Variants in RAD51B observed in about 807,000 individuals in gnomAD.
RAD51B encodes DNA repair protein RAD51 homolog 2.
In RAD51B, 38 loss-of-function variants were observed where a neutral mutation model predicts 42.2. The ratio of observed to expected loss-of-function variants is 0.90; its 90% CI spans 0.70 to 1.18. RAD51B has a LOEUF of 1.18. Ranked by LOEUF, RAD51B falls within the 50% of genes most tolerant of loss-of-function variation. RAD51B has a pLI of 0.00. For missense variants in RAD51B, 373 were observed against 400.7 expected, an observed-to-expected ratio of 0.93 and a Z score of 0.59; for synonymous variants, 154 against 145.2, an observed-to-expected ratio of 1.06 and a Z score of -0.43.
At chr14:68,138,435 A>C (rs1265859766) in intron 7 of RAD51B, among the ~76,000 whole-genome samples, 1 of 152,212 alleles carries the variant, frequency 6.6e-6, no homozygotes, top group Non-Finnish European at 1.5e-5. Flanking sequence ...GGCAATTACC[A>C]AAGAACTTTA....
chr14:68,507,126 A>G (rs1885388510), intron 10 of RAD51B, among the ~76,000 whole-genome samples: 1 of 152,174 alleles, frequency 6.6e-6, no homozygotes, highest in Admixed American at 6.5e-5. Flanking sequence ...CTTGAAGTAC[A>G]CATGAAATCA....
rs530465001 is a variant in RAD51B, at chr14:68,635,865, T to C, written c.1037-14916T>C. On this transcript the variant is annotated intron_variant, in intron 10 of 11. Coordinates refer to the RAD51B transcript ENST00000488612. Reference sequence around the variant, plus strand: ...AGAGACCCTTTGAGAAGAAGAGCAATTTACAACTTTGCTCTGAGTCTAAGT... The same window carrying C: ...AGAGACCCTTTGAGAAGAAGAGCAACTTACAACTTTGCTCTGAGTCTAAGT... Among the ~76,000 whole-genome samples the C allele has an allele frequency of 3.7e-4, 56 of 152,248 alleles. 1 individual carries two copies. In the South Asian group the frequency reaches 4.2e-3, roughly 11 times the overall value.
At chr14:67,961,922 T>C (rs2074677525) in intron 7 of RAD51B, among the ~76,000 whole-genome samples, 1 of 152,212 alleles carries the variant, frequency 6.6e-6, no homozygotes, top group Admixed American at 6.5e-5. Context: ...AAAAGCCTTT[T>C]GGGCTTTTAT....
chr14:68,205,033 A>G (rs939260778), intron 7 of RAD51B, among the ~76,000 whole-genome samples: 5 of 152,196 alleles, frequency 3.3e-5, no homozygotes, highest in African/African-American at 1.2e-4. Context: ...AGGATACATA[A>G]TGAGTTGTTA....
chr14:68,477,014 G>A (rs1209023045), intron 10 of RAD51B, among the ~76,000 whole-genome samples: 2 of 152,146 alleles, frequency 1.3e-5, no homozygotes, highest in African/African-American at 4.8e-5. Flanking sequence ...TTCCCACAGA[G>A]GCTGACCAGT....
chr14:68,358,728 A>T (rs2082958277), intron 8 of RAD51B, among the ~76,000 whole-genome samples: 1 of 152,216 alleles, frequency 6.6e-6, no homozygotes, highest in Admixed American at 6.5e-5. Flanking sequence ...TGGTTGGTCC[A>T]TGGAATGTAG....
intron 10 of RAD51B, among the ~76,000 whole-genome samples, chr14:68,539,514 C>T (rs1321326771): frequency 1.3e-5 from 2 of 152,222 alleles, no homozygotes; most frequent in Non-Finnish European, 2.9e-5. Flanking sequence ...CCACAGGCTG[C>T]CAAAATAGGC....
At chr14:68,142,080 C>T (rs1388014886) in intron 7 of RAD51B, among the ~76,000 whole-genome samples, 1 of 151,946 alleles carries the variant, frequency 6.6e-6, no homozygotes, top group Non-Finnish European at 1.5e-5. Flanking sequence ...CTATCTGTTA[C>T]ACTGAAATGA....
At chr14:68,009,980 T>C (rs2075656729) in intron 7 of RAD51B, among the ~76,000 whole-genome samples, 1 of 151,958 alleles carries the variant, frequency 6.6e-6, no homozygotes, top group African/African-American at 2.4e-5. Flanking sequence ...TTTCCACTTC[T>C]TTTTTCACTA....
chr14:68,306,638 C>G (rs987057676), intron 8 of RAD51B: 1 of 514,918 alleles, frequency 1.9e-6, no homozygotes, highest in African/African-American at 1.9e-5. Context: ...ATCCTCTGGC[C>G]TAATAAACAT....
intron 7 of RAD51B, among the ~76,000 whole-genome samples, chr14:68,142,154 A>G (rs996727198): frequency 3.3e-5 from 5 of 152,094 alleles, no homozygotes; most frequent in African/African-American, 1.2e-4. Context: ...TTTTTTTTAA[A>G]TGTCATATGA....
intron 7 of RAD51B, among the ~76,000 whole-genome samples, chr14:68,092,468 A>G (rs1308689042): frequency 6.6e-6 from 1 of 152,160 alleles, no homozygotes; most frequent in Non-Finnish European, 1.5e-5. Flanking sequence ...GCAATTGTGA[A>G]TGGGAGTTCA....
At chr14:67,858,786 G>A (rs10134988) in intron 4 of RAD51B, among the ~76,000 whole-genome samples, 7,308 of 152,216 alleles carry the variant, frequency 0.048, 405 homozygotes, top group African/African-American at 0.13. Context: ...ATCTGCCTAG[G>A]CATTTCACTG....
chr14:67,959,281 C>G (rs963620176), intron 7 of RAD51B, among the ~76,000 whole-genome samples: 1 of 151,508 alleles, frequency 6.6e-6, no homozygotes, highest in Non-Finnish European at 1.5e-5. Context: ...GAGTCTTGCT[C>G]TGTTGCCCAG....
At chr14:68,505,299 A>G (rs1473325554) in intron 10 of RAD51B, among the ~76,000 whole-genome samples, 3 of 152,172 alleles carry the variant, frequency 2.0e-5, no homozygotes, top group Non-Finnish European at 2.9e-5. Context: ...TTCTAGTAAG[A>G]TTTTATTTGA....
At chr14:68,094,022 C>A (rs2077149410) in intron 7 of RAD51B, among the ~76,000 whole-genome samples, 1 of 152,166 alleles carries the variant, frequency 6.6e-6, no homozygotes, top group Admixed American at 6.5e-5. Context: ...TATGTTTAGA[C>A]TTTCTCTTTT....
intron 7 of RAD51B, among the ~76,000 whole-genome samples, chr14:68,227,197 C>T (rs1347140371): frequency 6.6e-6 from 1 of 152,208 alleles, no homozygotes; most frequent in African/African-American, 2.4e-5. Context: ...CTGGCTTTGC[C>T]TAAGAAGGCA....
rs1161668551 is a variant in RAD51B, at chr14:68,047,046, T to A, written c.756+159842T>A. ...CATCACAGTCTCACTGCTGGAGACT[T>A]TTACTATAATATATATTTATCTAAA... On this transcript the variant is annotated intron_variant, in intron 7 of 10. Coordinates refer to ENST00000471583, the MANE Select transcript of RAD51B (RefSeq NM_133510.4). Among the ~76,000 whole-genome samples, 10 of 151,934 alleles carry A rather than the reference T, an allele frequency of 6.6e-5. 1 individual carries two copies. The East Asian group carries it at 1.2e-3, about 18-fold the overall frequency.
intron 7 of RAD51B, among the ~76,000 whole-genome samples, chr14:68,211,589 G>A (rs1217473461): frequency 6.6e-6 from 1 of 152,232 alleles, no homozygotes; most frequent in Non-Finnish European, 1.5e-5. Flanking sequence ...TAGATATGGT[G>A]GGGAAGGTTA....
Sources: allele counts gnomAD v4.1 joint callset (sites outside exome capture counted in the v4.1 genomes callset), GRCh38; gene constraint gnomAD v4.1.1; transcripts MANE v1.5; gene names NCBI Gene and HGNC (gene_info 2026-07-23, HGNC 2026-07-21).